The following TRDN variants were observed in gnomAD, a reference collection of about 807,000 sequenced individuals.
TRDN encodes the protein triadin in skeletal muscle.
TRDN carries 161 observed loss-of-function variants against 149.7 expected under a neutral mutation model. The observed-to-expected ratio is 1.08, with a 90% CI of 0.95 to 1.23. The LOEUF is 1.23. Ranked by LOEUF, TRDN falls within the 50% of genes most tolerant of loss-of-function variation. TRDN has a pLI of 0.00. For synonymous variants in TRDN, 294 were observed against 250.5 expected, an observed-to-expected ratio of 1.17 and a Z score of -1.64; for missense variants, 896 against 823.5, an observed-to-expected ratio of 1.09 and a Z score of -1.08.
chr6:123,480,988 C>T (rs1216389788), intron 9 of TRDN, among the ~76,000 whole-genome samples: 1 of 152,120 alleles, frequency 6.6e-6, no homozygotes, highest in Non-Finnish European at 1.5e-5. Context: ...CCACCAACAA[C>T]TCCAGAGATA....
At chr6:123,372,413 C>T (rs970709398) in intron 19 of TRDN, among the ~76,000 whole-genome samples, 19 of 152,012 alleles carry the variant, frequency 1.2e-4, no homozygotes, top group Non-Finnish European at 2.4e-4. Flanking sequence ...CCAATCTGTG[C>T]AATGCTAAAA....
intron 12 of TRDN, among the ~76,000 whole-genome samples, chr6:123,420,957 A>G (rs150447657): frequency 1.2e-3 from 179 of 152,354 alleles, no homozygotes; most frequent in Middle Eastern, 6.8e-3. Context: ...TGAAAACAGT[A>G]TGTTTTTAAA....
intron 10 of TRDN, among the ~76,000 whole-genome samples, chr6:123,457,251 TG>T (rs35675214): frequency 0.17 from 25,708 of 152,170 alleles, 2,343 homozygotes; most frequent in South Asian, 0.28. Flanking sequence ...TCCCGCATCA[TG>T]GGGGAACATT....
intron 20 of TRDN, among the ~76,000 whole-genome samples, chr6:123,361,139 A>G (rs956906064): frequency 3.9e-5 from 6 of 152,164 alleles, no homozygotes; most frequent in Admixed American, 6.5e-5. Flanking sequence ...CTGGTTCTAG[A>G]TCCTTGAGGA....
At chr6:123,595,837 C>G (rs1784011383) in intron 1 of TRDN, among the ~76,000 whole-genome samples, 1 of 152,056 alleles carries the variant, frequency 6.6e-6, no homozygotes, top group Admixed American at 6.6e-5. Flanking sequence ...TGTGTTCTGA[C>G]TGTTCCATTA....
At position 123,363,334 on chromosome 6, in the gene TRDN, T is replaced by C. The variant is rs374568258; in HGVS notation, c.1321+2801A>G. 1.3e-3 allele frequency among the ~76,000 whole-genome samples: 202 copies of C among 152,312 alleles called. 2 individuals carry two copies. The Middle Eastern group carries it at 0.014, about 10-fold the overall frequency. ...ATATTTTTTCATGCACGGCTGATTG[T>C]CAGTGAGAGGTAGGAGATGAACAAG... On this transcript the variant is annotated intron_variant, in intron 20 of 40. Coordinates refer to ENST00000334268, the MANE Select transcript of TRDN (RefSeq NM_006073.4).
At chr6:123,570,174 A>G (rs1271637451) in intron 2 of TRDN, among the ~76,000 whole-genome samples, 2 of 152,182 alleles carry the variant, frequency 1.3e-5, no homozygotes, top group Non-Finnish European at 2.9e-5. Context: ...AGTACATATG[A>G]GAGAACACAT....
intron 1 of TRDN, among the ~76,000 whole-genome samples, chr6:123,584,643 G>A (rs1783342960): frequency 6.6e-6 from 1 of 152,156 alleles, no homozygotes; most frequent in African/African-American, 2.4e-5. Context: ...GAAGTAATGG[G>A]GGCTGTCTGT....
At chr6:123,630,466 G>A (rs1160897675) in intron 1 of TRDN, among the ~76,000 whole-genome samples, 1 of 151,962 alleles carries the variant, frequency 6.6e-6, no homozygotes, top group Non-Finnish European at 1.5e-5. Context: ...AATGCCAACA[G>A]TATTGGAGGC....
At chr6:123,288,917 CAG>C (rs1777895542) in intron 24 of TRDN, among the ~76,000 whole-genome samples, 1 of 151,514 alleles carries the variant, frequency 6.6e-6, no homozygotes, top group African/African-American at 2.4e-5. Context: ...ATCAGGATGT[CAG>C]AGAGATATTT....
At chr6:123,524,852 ATGC>A (rs1194466143) in intron 5 of TRDN, among the ~76,000 whole-genome samples, 1 of 152,108 alleles carries the variant, frequency 6.6e-6, no homozygotes, top group East Asian at 1.9e-4. Flanking sequence ...CTTTGTGATA[ATGC>A]TGCTATTTTT....
chr6:123,398,132 G>A (rs1269654149), intron 12 of TRDN, among the ~76,000 whole-genome samples: 2 of 152,218 alleles, frequency 1.3e-5, no homozygotes, highest in East Asian at 3.9e-4. Flanking sequence ...AGCCTCCTGA[G>A]TAGCCGGGAT....
chr6:123,395,902 C>T (rs1236545220), intron 12 of TRDN, among the ~76,000 whole-genome samples: 1 of 152,134 alleles, frequency 6.6e-6, no homozygotes, highest in Non-Finnish European at 1.5e-5. Flanking sequence ...AATATTAGTT[C>T]ACAAACTACT....
intron 38 of TRDN, among the ~76,000 whole-genome samples, chr6:123,247,424 C>CA (rs1776222220): frequency 6.6e-6 from 1 of 152,078 alleles, no homozygotes; most frequent in Non-Finnish European, 1.5e-5. Flanking sequence ...AATCAATGTG[C>CA]AAAAATCACA....
In TRDN at chr6:123,463,840, C is replaced by T. The variant is rs539464587; in HGVS notation, c.931+1066G>A. Reference sequence around the variant, plus strand: ...GTTTACTCTCTAGGTAAGTGATATACAATAGTAACCTCTTCCTGGATGAAT... The same window carrying T: ...GTTTACTCTCTAGGTAAGTGATATATAATAGTAACCTCTTCCTGGATGAAT... On this transcript the variant is annotated intron_variant, in intron 10 of 40. Transcript: ENST00000334268. Among the ~76,000 whole-genome samples the T allele has an allele frequency of 2.7e-4, 41 of 149,816 alleles. No homozygotes were observed. In the South Asian group the frequency reaches 8.2e-3, roughly 30 times the overall value.
At chr6:123,223,592 C>T (rs1775233178) in intron 39 of TRDN, among the ~76,000 whole-genome samples, 1 of 151,716 alleles carries the variant, frequency 6.6e-6, no homozygotes, top group Non-Finnish European at 1.5e-5. Flanking sequence ...GTTCGTACAT[C>T]TGGAGATCGC....
At chr6:123,571,438 T>C (rs1342155470) in intron 1 of TRDN, among the ~76,000 whole-genome samples, 16 of 148,632 alleles carry the variant, frequency 1.1e-4, no homozygotes, top group Non-Finnish European at 1.5e-5. Context: ...ATATTTTAAC[T>C]TAATTGTATA....
chr6:123,388,556 A>G lies in TRDN; in HGVS notation c.1106-5T>C. The G allele has an allele frequency of 3.8e-6, 6 of 1,582,888 alleles. No homozygotes were observed. The highest frequency in any genetic ancestry group is 5.2e-6 in the Non-Finnish European group (6 of 1,162,130). On this transcript the variant is annotated splice_polypyrimidine_tract_variant and splice_region_variant and intron_variant, in intron 13 of 40. Coordinates refer to ENST00000334268, the MANE Select transcript of TRDN (RefSeq NM_006073.4). ...TTTCATCCTTCTTAGCTGCTGCTGA[A>G]GTAATGAAAATAGCGTTAAGGCATA...
chr6:123,635,382 G>C (rs940286812), intron 1 of TRDN, among the ~76,000 whole-genome samples: 7 of 151,202 alleles, frequency 4.6e-5, no homozygotes, highest in African/African-American at 1.7e-4. Context: ...GGGTTTAAAT[G>C]TTGGTAATGC....
Sources: allele counts gnomAD v4.1 joint callset (sites outside exome capture counted in the v4.1 genomes callset), GRCh38; gene constraint gnomAD v4.1.1; transcripts MANE v1.5; gene names NCBI Gene and HGNC (gene_info 2026-07-23, HGNC 2026-07-21).